DPF1: variants seen among roughly 807,000 people sequenced by gnomAD.
DPF1 encodes double PHD fingers 1.
DPF1 carries 14 observed loss-of-function variants against 58.7 expected under a neutral mutation model. That is an observed-to-expected ratio of 0.24 (90% confidence interval 0.16 to 0.37). DPF1 has a LOEUF of 0.37. DPF1 is among the 10% of genes least tolerant of loss of function. The pLI, the probability that DPF1 is intolerant of heterozygous loss-of-function variation, is 1.00. For synonymous variants in DPF1, 216 were observed against 216.0 expected (o/e 1.00, Z 0.00); for missense variants, 345 against 529.9 (o/e 0.65, Z 3.43).
Position 38,217,506 on chromosome 19 carries a change from G to A in DPF1, c.681C>T (p.Asn227=). 3.9e-6 allele frequency: 6 copies of A among 1,551,300 alleles called. No individual in the cohort carries two copies. Among genetic ancestry groups the A allele is most frequent in the Non-Finnish European group, 5.2e-6 (6 of 1,146,886 alleles). Residue 227 remains asparagine (N), a synonymous_variant, in exon 7 of 12, where the codon AAC becomes AAT. Transcript: ENST00000355526. ...THLAEEEGEE[N]AERHALPFHR... ...GGAAGGGCAGGGCGTGGCGTTCGGC[G>A]TTCTCCTCCCCCTCCTCCTCGGCCA...
At chr19:38,218,192 T>G (rs963749893) in intron 5 of DPF1, among the ~76,000 whole-genome samples, 1 of 151,874 alleles carries the variant, frequency 6.6e-6, no homozygotes, top group Non-Finnish European at 1.5e-5. Flanking sequence ...AGAGCGAGAC[T>G]CCGTCTCAAA....
chr19:38,224,558 C>T (rs1323855759), upstream of DPF1, among the ~76,000 whole-genome samples: 2 of 152,196 alleles, frequency 1.3e-5, no homozygotes, highest in Non-Finnish European at 2.9e-5. The surrounding 1 kb of genome is among the most constrained non-coding windows in gnomAD (Gnocchi z 4.5). Context: ...CACAGCCACA[C>T]GCACACACAC....
upstream of DPF1, among the ~76,000 whole-genome samples, chr19:38,226,501 T>TACACACACACACACA (rs1491357893): frequency 4.7e-5 from 3 of 64,088 alleles, no homozygotes; most frequent in African/African-American, 2.6e-4. Flanking sequence ...CACGGTCACT[T>TACACACACACACACA]CTACACACAC....
upstream of DPF1, among the ~76,000 whole-genome samples, chr19:38,228,469 G>A (rs1395032121): frequency 6.6e-6 from 1 of 151,840 alleles, no homozygotes; most frequent in Non-Finnish European, 1.5e-5. Flanking sequence ...TTGGGGGAAG[G>A]GTGGGGGAGG....
intron 10 of DPF1, among the ~76,000 whole-genome samples, chr19:38,212,572 TG>T (rs894580638): frequency 1.3e-5 from 2 of 151,798 alleles, no homozygotes; most frequent in Admixed American, 1.3e-4. Context: ...CGATTTATAG[TG>T]GGGGTTTTAT....
At chr19:38,213,276 G>A (rs879538411) in intron 10 of DPF1, among the ~76,000 whole-genome samples, 4 of 152,098 alleles carry the variant, frequency 2.6e-5, no homozygotes, top group Admixed American at 2.6e-4. Flanking sequence ...CGCTCCGCCT[G>A]TGGAAGGCTT....
chr19:38,218,031 G>A (rs1347493256), intron 5 of DPF1, among the ~76,000 whole-genome samples, 155 bp from the exon 6 acceptor site: 1 of 152,020 alleles, frequency 6.6e-6, no homozygotes, highest in Admixed American at 6.6e-5. Flanking sequence ...GTGAAGCCCC[G>A]TCTCTACTAA....
At chr19:38,216,287 C>CG in intron 8 of DPF1, 28 bp from the exon 9 acceptor site, 2 of 1,613,134 alleles carry the variant, frequency 1.2e-6, no homozygotes, top group Non-Finnish European at 1.7e-6. Context: ...GGCATTGGCA[C>CG]GGGGCAGGCA....
intron 3 of DPF1, among the ~76,000 whole-genome samples, chr19:38,220,538 G>A (rs1391283427): frequency 2.0e-5 from 3 of 151,004 alleles, no homozygotes; most frequent in South Asian, 2.1e-4. Flanking sequence ...GGAGAATGGC[G>A]TGAACCCAGG....
upstream of DPF1, among the ~76,000 whole-genome samples, chr19:38,226,470 CCAGT>C (rs1198400302): frequency 6.7e-5 from 10 of 148,418 alleles, no homozygotes; most frequent in African/African-American, 2.5e-4. Context: ...AGAGAGAGAT[CCAGT>C]CAAGGCCTCC....
intron 1 of DPF1, among the ~76,000 whole-genome samples, chr19:38,223,506 T>C (rs1967653807): frequency 6.6e-6 from 1 of 151,436 alleles, no homozygotes; most frequent in South Asian, 2.1e-4. Flanking sequence ...CACACACATA[T>C]AAAACACAGA....
rs935366981 is a variant in DPF1 at position 38,222,959 on chromosome 19, A to G, written c.30-251T>C. The G allele has an allele frequency of 2.8e-5, 14 of 499,908 alleles. No homozygotes were observed. The highest frequency in any genetic ancestry group is 4.2e-5 in the Non-Finnish European group (12 of 286,588). 31.0% of individuals were successfully genotyped at this position (499,908 alleles called of 1,614,324 possible). On this transcript the variant is annotated intron_variant, in intron 1 of 11. Transcript: ENST00000355526. This position sits in a 1 kb window ranked among gnomAD's most constrained non-coding sequence, Gnocchi z 4.9. ...AAACACGATACAGAAACAAACAAAA[A>G]CACACCGGGACGTATCCCTACCTGA...
chr19:38,211,943 C>T lies in DPF1; in HGVS notation c.*120G>A. Reference sequence around the variant, plus strand: ...ACAGAGGGGAGGGGGTGGCCCAGCCCCCTCTCGGCTTCCCCCTCTCCCCCT... The same window carrying T: ...ACAGAGGGGAGGGGGTGGCCCAGCCTCCTCTCGGCTTCCCCCTCTCCCCCT... On this transcript the variant is annotated 3_prime_UTR_variant, in exon 12 of 12. Coordinates refer to ENST00000355526, the MANE Select transcript of DPF1 (RefSeq NM_001135155.3). The surrounding 1 kb of genome is among the most constrained non-coding windows in gnomAD (Gnocchi z 4.0). The T allele has an allele frequency of 8.6e-7, 1 of 1,165,282 alleles. No homozygotes were observed. The highest frequency in any genetic ancestry group is 1.5e-5 in the South Asian group (1 of 68,868). 72.2% of individuals were successfully genotyped at this position (1,165,282 alleles called of 1,614,324 possible). A position where few individuals can be genotyped will look rare whatever the true frequency, so the allele number is the denominator to read the frequency against.
At chr19:38,215,322 T>C (rs941867735) in intron 9 of DPF1, among the ~76,000 whole-genome samples, 1 of 151,512 alleles carries the variant, frequency 6.6e-6, no homozygotes, top group Non-Finnish European at 1.5e-5. Context: ...GAAACCCCCG[T>C]CTCTACTAAA....
At position 38,222,797 on chromosome 19, in the gene DPF1, CAGGCTCGGGAGGGGTGGGCCG is replaced by C. The variant is rs1600280950; in HGVS notation, c.30-110_30-90del. ...CCCCTTCCCCGGCTGCCGGGCCGCCCAGGCTCGGGAGGGGTGGGCCGACCCCTCCAGCCTCACCTCTCCCCT... is the reference window on the plus strand; with the variant it reads ...CCCCTTCCCCGGCTGCCGGGCCGCCCACCCCTCCAGCCTCACCTCTCCCCT... On this transcript the variant is annotated intron_variant, in intron 1 of 11. Transcript: ENST00000355526. The surrounding 1 kb of genome is among the most constrained non-coding windows in gnomAD (Gnocchi z 4.9). The C allele has an allele frequency of 4.9e-6, 7 of 1,421,708 alleles. No homozygotes were observed. Among genetic ancestry groups the C allele is most frequent in the Non-Finnish European group, 6.4e-6 (7 of 1,088,560 alleles). The allele number at this position is 1,421,708 out of a possible 1,614,324, so 88.1% of individuals were successfully genotyped here. A position where few individuals can be genotyped will look rare whatever the true frequency, so the allele number is the denominator to read the frequency against.
upstream of DPF1, among the ~76,000 whole-genome samples, chr19:38,226,535 CA>C (rs1967831111): frequency 4.6e-5 from 7 of 151,106 alleles, no homozygotes; most frequent in African/African-American, 9.7e-5. Context: ...CACACACACA[CA>C]CACTCCTCTA....
intron 7 of DPF1, among the ~76,000 whole-genome samples, chr19:38,216,742 A>G (rs572750002): frequency 1.4e-4 from 22 of 152,126 alleles, no homozygotes; most frequent in African/African-American, 4.1e-4. Context: ...AGGATTCCCA[A>G]CTCCTTGAGA....
At chr19:38,227,251 G>T (rs990678914), upstream of DPF1, among the ~76,000 whole-genome samples, 6 of 151,762 alleles carry the variant, frequency 4.0e-5, no homozygotes, top group Non-Finnish European at 8.8e-5. Flanking sequence ...GCTAATTTTT[G>T]TATTTTTGTA....
chr19:38,216,437 C>G, intron 7 of DPF1, 34 bp from the exon 8 acceptor site: 1 of 1,551,082 alleles, frequency 6.4e-7, no homozygotes. Flanking sequence ...GGGACTCTCA[C>G]CACAGGCAAG....
Sources: allele counts gnomAD v4.1 joint callset (sites outside exome capture counted in the v4.1 genomes callset), GRCh38; gene constraint gnomAD v4.1.1; non-coding constraint Gnocchi (gnomAD v3.1); transcripts MANE v1.5; gene names NCBI Gene and HGNC (gene_info 2026-07-23, HGNC 2026-07-21).